The following MAP2K4 variants were observed in gnomAD, a reference collection of about 807,000 sequenced individuals.
MAP2K4 encodes mitogen-activated protein kinase kinase 4.
In MAP2K4, 4 loss-of-function variants were observed where a neutral mutation model predicts 48.5. The observed-to-expected ratio is 0.08, with a 90% CI of 0.04 to 0.19. The LOEUF is 0.19. Among genes scored for constraint, MAP2K4 ranks in the 10% least tolerant of loss-of-function variants. The probability of loss-of-function intolerance (pLI) is 1.00; values close to 1 mark genes in which losing one functional copy is unlikely to be tolerated. For synonymous variants in MAP2K4, 166 were observed against 173.1 expected, an observed-to-expected ratio of 0.96 and a Z score of 0.32; for missense variants, 258 against 493.3, an observed-to-expected ratio of 0.52 and a Z score of 4.52.
chr17:12,021,950 T>C (rs1038008189), intron 1 of MAP2K4, among the ~76,000 whole-genome samples: 2 of 152,306 alleles, frequency 1.3e-5, no homozygotes, highest in Middle Eastern at 3.4e-3. Flanking sequence ...TTAGGGACCA[T>C]TTCCTTAAAT....
chr17:12,036,188 G>A (rs1232090843), intron 1 of MAP2K4, among the ~76,000 whole-genome samples: 4 of 151,960 alleles, frequency 2.6e-5, no homozygotes, highest in Admixed American at 2.6e-4. Context: ...TAAGACCATA[G>A]TGTCATGTTT....
intron 2 of MAP2K4, among the ~76,000 whole-genome samples, chr17:12,075,642 C>G (rs1970978344): frequency 6.6e-6 from 1 of 152,174 alleles, no homozygotes; most frequent in Non-Finnish European, 1.5e-5. Context: ...GAATGTTCAA[C>G]TCTAGCAGTT....
chr17:12,033,481 A>G (rs1050439742), intron 1 of MAP2K4, among the ~76,000 whole-genome samples: 3 of 152,162 alleles, frequency 2.0e-5, no homozygotes, highest in Non-Finnish European at 2.9e-5. Context: ...TTCACCCACA[A>G]TGTAACTGTA....
chr17:12,059,129 T>G (rs1291234512), intron 2 of MAP2K4, among the ~76,000 whole-genome samples: 2 of 152,198 alleles, frequency 1.3e-5, no homozygotes, highest in African/African-American at 4.8e-5. Context: ...TGACAGAAAA[T>G]GCATATTATA....
intron 1 of MAP2K4, among the ~76,000 whole-genome samples, chr17:12,022,398 A>G (rs1353386047): frequency 3.9e-5 from 6 of 152,200 alleles, no homozygotes; most frequent in African/African-American, 9.7e-5. Context: ...TGCACAGCAC[A>G]TTATACTGAT....
chr17:12,036,990 G>T (rs1165408604), intron 1 of MAP2K4, among the ~76,000 whole-genome samples: 1 of 151,932 alleles, frequency 6.6e-6, no homozygotes, highest in African/African-American at 2.4e-5. Context: ...AGTTTCTGTA[G>T]CTTTGTCTTT....
At chr17:12,130,041 A>G (rs1306880958) in intron 9 of MAP2K4, among the ~76,000 whole-genome samples, 2 of 152,224 alleles carry the variant, frequency 1.3e-5, no homozygotes, top group Admixed American at 6.5e-5. Flanking sequence ...CATGCTATGA[A>G]CAAAAAGCCT....
chr17:12,101,475 T>C (rs1446862055), intron 4 of MAP2K4, among the ~76,000 whole-genome samples: 4 of 152,072 alleles, frequency 2.6e-5, no homozygotes, highest in African/African-American at 9.7e-5. Context: ...TTGTTTCGGC[T>C]CTTTCATATC....
In MAP2K4 at chr17:12,109,488, G is replaced by A. The variant is rs77298915; in HGVS notation, c.634-887G>A. 9.7e-3 allele frequency among the ~76,000 whole-genome samples: 1,482 copies of A among 152,216 alleles called. 20 individuals carry two copies. The highest frequency in any genetic ancestry group is 0.032 in the African/African-American group (1,330 of 41,540). Reference sequence around the variant, plus strand: ...CTAGCAGCTTGACGTCAGCAAAGACGTCACCTTACAGCAAATAGTTGGCCT... The same window carrying A: ...CTAGCAGCTTGACGTCAGCAAAGACATCACCTTACAGCAAATAGTTGGCCT... On this transcript the variant is annotated intron_variant, in intron 5 of 10. Transcript: ENST00000353533.
chr17:12,057,164 C>T (rs1020437330), intron 2 of MAP2K4, among the ~76,000 whole-genome samples: 1 of 152,084 alleles, frequency 6.6e-6, no homozygotes. Context: ...CAAGAAATGA[C>T]AATTGGCTGT....
intron 1 of MAP2K4, among the ~76,000 whole-genome samples, chr17:12,022,119 C>G (rs1167446782): frequency 1.3e-5 from 2 of 152,150 alleles, no homozygotes; most frequent in African/African-American, 2.4e-5. Context: ...TGATTCCATT[C>G]CTCTTAAAGG....
At position 12,141,153 on chromosome 17, in the gene MAP2K4, C is replaced by A; in HGVS notation, c.1093C>A (p.Pro365Thr). 1.9e-6 allele frequency: 3 copies of A among 1,604,300 alleles called. No individual in the cohort carries two copies. The highest frequency in any genetic ancestry group is 2.2e-5 in the South Asian group (2 of 90,756). ...RPKYKELLKH[P>T]FILMYEERAV... ...GTTTTCAATTTTCTTGCAGAAACAT[C>A]CCTTTATTTTGATGTATGAAGAACG... The change falls in exon 11 of 11, where the codon CCC becomes ACC. Residue 365 changes from proline to threonine, a missense_variant. Transcript: ENST00000353533.
chr17:12,078,764 GA>G, intron 2 of MAP2K4, among the ~76,000 whole-genome samples: 1 of 152,146 alleles, frequency 6.6e-6, no homozygotes, highest in South Asian at 2.1e-4. Flanking sequence ...GTTTAGGACA[GA>G]AATTGATTGA....
intron 2 of MAP2K4, among the ~76,000 whole-genome samples, chr17:12,074,977 A>C (rs1970950861): frequency 6.6e-6 from 1 of 152,146 alleles, no homozygotes; most frequent in Admixed American, 6.5e-5. Flanking sequence ...TATGAGGGTA[A>C]GTCTGTCTCC....
At chr17:12,038,109 A>G (rs1344172696) in intron 1 of MAP2K4, among the ~76,000 whole-genome samples, 2 of 152,182 alleles carry the variant, frequency 1.3e-5, no homozygotes, top group East Asian at 3.8e-4. Flanking sequence ...CTAGCAACAA[A>G]GGGATGTTGA....
At chr17:12,137,882 ATAAATTTACCTTTTAAATTTATATT>A (rs947700994) in intron 9 of MAP2K4, among the ~76,000 whole-genome samples, 25 of 152,174 alleles carry the variant, frequency 1.6e-4, no homozygotes, top group African/African-American at 3.4e-4. Context: ...AAACAAAGGT[ATAAATTTACCTTTTAAATTTATATT>A]TAAATTTACC....
chr17:12,068,389 A>G (rs530547460), intron 2 of MAP2K4, among the ~76,000 whole-genome samples: 4 of 152,356 alleles, frequency 2.6e-5, no homozygotes, highest in South Asian at 4.1e-4. Context: ...AGGTAAGAAT[A>G]TAGTTAGGGA....
At chr17:12,114,141 G>T (rs931190829) in intron 7 of MAP2K4, among the ~76,000 whole-genome samples, 1 of 152,066 alleles carries the variant, frequency 6.6e-6, no homozygotes, top group Admixed American at 6.6e-5. Flanking sequence ...TTAAACTAAA[G>T]ATAAGCTTAG....
intron 1 of MAP2K4, among the ~76,000 whole-genome samples, chr17:12,042,701 T>C (rs1303789969): frequency 4.0e-5 from 6 of 151,648 alleles, no homozygotes; most frequent in Admixed American, 3.9e-4. Flanking sequence ...GAAGGTAGAC[T>C]CTCTGACTTT....
Sources: gnomAD v4.1 joint callset for allele counts (sites outside exome capture counted in the v4.1 genomes callset) on GRCh38, gnomAD v4.1.1 for gene constraint, MANE v1.5 for transcripts, NCBI Gene and HGNC (gene_info 2026-07-23, HGNC 2026-07-21) for gene names.